DCC: variants seen among roughly 807,000 people sequenced by gnomAD.
DCC encodes the protein netrin receptor DCC.
DCC carries 58 observed loss-of-function variants against 172.5 expected under a neutral mutation model. The ratio of observed to expected loss-of-function variants is 0.34; its 90% CI spans 0.27 to 0.42. The LOEUF (loss-of-function observed/expected upper bound fraction) is 0.42. Ranked by LOEUF, DCC falls within the 10% of genes least tolerant of loss-of-function variation. The probability of loss-of-function intolerance (pLI) is 1.00; values close to 1 mark genes in which losing one functional copy is unlikely to be tolerated. For missense variants in DCC, 1,740 were observed against 1,791.0 expected, an observed-to-expected ratio of 0.97 and a Z score of 0.51; for synonymous variants, 709 against 644.5, an observed-to-expected ratio of 1.10 and a Z score of -1.52.
chr18:52,971,246 T>TTC (rs2041025475), intron 5 of DCC, among the ~76,000 whole-genome samples: 1 of 152,134 alleles, frequency 6.6e-6, no homozygotes, highest in Non-Finnish European at 1.5e-5. Context: ...TCTGATTGAT[T>TTC]AGTCATCATA....
At chr18:52,448,874 G>C (rs772942023) in intron 1 of DCC, among the ~76,000 whole-genome samples, 1 of 152,194 alleles carries the variant, frequency 6.6e-6, no homozygotes, top group East Asian at 1.9e-4. Flanking sequence ...TAGTTTCGTG[G>C]GATGTAAGGT....
chr18:53,266,958 CTAT>C (rs1377237674), intron 12 of DCC, among the ~76,000 whole-genome samples: 6 of 151,962 alleles, frequency 3.9e-5, no homozygotes, highest in Non-Finnish European at 8.8e-5. Context: ...TACATTTTTA[CTAT>C]TATGAAGAAT....
chr18:52,660,465 T>C (rs924835356), intron 1 of DCC, among the ~76,000 whole-genome samples: 1 of 152,164 alleles, frequency 6.6e-6, no homozygotes, highest in Non-Finnish European at 1.5e-5. Flanking sequence ...AAGTCACTTG[T>C]ATGACTGCCT....
intron 7 of DCC, among the ~76,000 whole-genome samples, chr18:53,135,428 G>T (rs1377110495): frequency 2.6e-5 from 4 of 152,132 alleles, no homozygotes; most frequent in African/African-American, 4.8e-5. Context: ...TATATTTTAT[G>T]CAGGAAAGGC....
chr18:52,544,883 T>A (rs1197713996), intron 1 of DCC, among the ~76,000 whole-genome samples: 4 of 152,196 alleles, frequency 2.6e-5, no homozygotes, highest in Admixed American at 1.3e-4. Flanking sequence ...ATAACCATTA[T>A]TCTCACCCAT....
chr18:53,327,954 A>G (rs1478996050), intron 14 of DCC, among the ~76,000 whole-genome samples: 1 of 152,240 alleles, frequency 6.6e-6, no homozygotes, highest in Non-Finnish European at 1.5e-5. Context: ...GACCAGTGGT[A>G]CAGTAGCTAT....
At chr18:53,107,079 T>G (rs4494619) in intron 7 of DCC, among the ~76,000 whole-genome samples, 64,083 of 151,606 alleles carry the variant, frequency 0.42, 14,424 homozygotes, top group Non-Finnish European at 0.48. Flanking sequence ...CGTGTTTTCT[T>G]AACCATAAAC....
rs553069381 is a variant in DCC, at chr18:53,177,233, T to C, written c.1419-1729T>C. Among the ~76,000 whole-genome samples, 8 of 152,094 alleles carry C rather than the reference T, an allele frequency of 5.3e-5. No individual in the cohort carries two copies. In the East Asian group the frequency reaches 9.7e-4, roughly 18 times the overall value. ...ACTGGGAGATATACCTAATGCTAGA[T>C]GACGAGTTAGTGGGTGCAGTGCACC... On this transcript the variant is annotated intron_variant, in intron 8 of 28. Coordinates refer to ENST00000442544, the MANE Select transcript of DCC (RefSeq NM_005215.4).
intron 1 of DCC, among the ~76,000 whole-genome samples, chr18:52,344,722 T>C (rs1000417516): frequency 6.6e-6 from 1 of 152,224 alleles, no homozygotes; most frequent in Admixed American, 6.5e-5. Flanking sequence ...GATTACATTT[T>C]AAAGTAAGTG....
chr18:52,475,344 G>A (rs544332055), intron 1 of DCC, among the ~76,000 whole-genome samples: 4 of 152,292 alleles, frequency 2.6e-5, no homozygotes, highest in Non-Finnish European at 5.9e-5. Flanking sequence ...AGCTCCAATA[G>A]TGGCAGAAAA....
At chr18:52,528,171 A>T (rs182648861) in intron 1 of DCC, among the ~76,000 whole-genome samples, 64 of 152,364 alleles carry the variant, frequency 4.2e-4, no homozygotes, top group African/African-American at 1.4e-3. Flanking sequence ...CTTGCAAAAC[A>T]AAACAAAACA....
At chr18:53,089,007 C>A (rs1461359150) in intron 7 of DCC, among the ~76,000 whole-genome samples, 1 of 152,128 alleles carries the variant, frequency 6.6e-6, no homozygotes, top group African/African-American at 2.4e-5. Flanking sequence ...TATGACCAGA[C>A]ATTCTTCATG....
At chr18:53,167,963 T>A (rs1398857591) in intron 8 of DCC, among the ~76,000 whole-genome samples, 1 of 152,140 alleles carries the variant, frequency 6.6e-6, no homozygotes, top group African/African-American at 2.4e-5. Context: ...AACTCCAGGC[T>A]CATCATCACT....
chr18:52,862,332 T>A (rs2039156789), intron 2 of DCC, among the ~76,000 whole-genome samples: 1 of 152,208 alleles, frequency 6.6e-6, no homozygotes, highest in Non-Finnish European at 1.5e-5. Context: ...TAAGGAAAGT[T>A]AAAAATACTT....
chr18:53,307,893 GTATGTATATATATATA>G lies in DCC; in HGVS notation c.2053+2178_2053+2193del, dbSNP rs1303129437. Among the ~76,000 whole-genome samples the G allele has an allele frequency of 4.8e-3, 472 of 97,538 alleles. 18 individuals are homozygous for G. Among genetic ancestry groups the G allele is most frequent in the South Asian group, 0.01 (33 of 3,152 alleles). 64.0% of individuals were successfully genotyped at this position (97,538 alleles called of 152,430 possible). A position where few individuals can be genotyped will look rare whatever the true frequency, so the allele number is the denominator to read the frequency against. On this transcript the variant is annotated intron_variant, in intron 13 of 28. Coordinates refer to ENST00000442544, the MANE Select transcript of DCC (RefSeq NM_005215.4). ...AACCCTTCTGGAAAGCAATGTGTGT[GTATGTATATATATATA>G]TATATATATATATATATATATATAT...
intron 5 of DCC, among the ~76,000 whole-genome samples, chr18:53,057,165 A>G (rs2042419521): frequency 1.3e-5 from 2 of 151,874 alleles, no homozygotes; most frequent in Non-Finnish European, 2.9e-5. Flanking sequence ...TATGCGAAAT[A>G]AAACCCATAA....
chr18:52,719,327 T>A (rs1361008960), intron 1 of DCC, among the ~76,000 whole-genome samples: 1 of 150,776 alleles, frequency 6.6e-6, no homozygotes, highest in Admixed American at 6.6e-5. Context: ...AACACCTTCT[T>A]GGAAAGAAAA....
intron 12 of DCC, among the ~76,000 whole-genome samples, chr18:53,275,401 A>C (rs1307823727): frequency 4.6e-5 from 7 of 152,120 alleles, no homozygotes; most frequent in South Asian, 2.1e-4. Flanking sequence ...TCAGTCAAAT[A>C]TATGATCTCC....
chr18:53,452,811 T>C lies in DCC; in HGVS notation c.3392+2149T>C, dbSNP rs2045431107. On this transcript the variant is annotated intron_variant, in intron 23 of 28. Transcript: ENST00000442544. ...GTAGCAGACCCGTTGGCATTCATTTTTCATCCCTTTGTGTGCATATTTTCA... is the reference window on the plus strand; with the variant it reads ...GTAGCAGACCCGTTGGCATTCATTTCTCATCCCTTTGTGTGCATATTTTCA... 2.0e-5 allele frequency among the ~76,000 whole-genome samples: 3 copies of C among 152,340 alleles called. No homozygotes were observed. In the South Asian group the frequency reaches 6.2e-4, roughly 32 times the overall value.
Sources: gnomAD v4.1 joint callset for allele counts (sites outside exome capture counted in the v4.1 genomes callset) on GRCh38, gnomAD v4.1.1 for gene constraint, MANE v1.5 for transcripts, NCBI Gene and HGNC (gene_info 2026-07-23, HGNC 2026-07-21) for gene names.